The following GMPR2 variants were observed in gnomAD, a reference collection of about 807,000 sequenced individuals.
The protein encoded by GMPR2 is guanosine monophosphate reductase 2.
Under a neutral mutation model 38.5 loss-of-function variants are expected in GMPR2, and 32 were observed. The observed-to-expected ratio is 0.83, with a 90% CI of 0.63 to 1.12. The LOEUF (loss-of-function observed/expected upper bound fraction) is 1.12. Among genes scored for constraint, GMPR2 ranks in the 50% most tolerant of loss-of-function variants. The pLI, the probability that GMPR2 is intolerant of heterozygous loss-of-function variation, is 0.00. For synonymous variants in GMPR2, 154 were observed against 151.0 expected (o/e 1.02, Z -0.15); for missense variants, 396 against 432.1 (o/e 0.92, Z 0.74).
At chr14:24,234,015 G>A in intron 3 of GMPR2, 3 of 999,192 alleles carry the variant, frequency 3.0e-6, no homozygotes, top group Non-Finnish European at 4.1e-6. Flanking sequence ...AAGATCCTAG[G>A]AGAAGCAGCT....
Position 24,235,768 on chromosome 14 carries a change from A to G in GMPR2, c.239A>G (p.Tyr80Cys). 1 of 1,613,658 alleles carries G rather than the reference A, an allele frequency of 6.2e-7. No individual in the cohort carries two copies. Among genetic ancestry groups the G allele is most frequent in the Non-Finnish European group, 8.5e-7 (1 of 1,179,540 alleles). Residue 80 changes from tyrosine (Y) to cysteine (C), a missense_variant, in exon 4 of 10, where the codon TAT becomes TGT. Tyr to Cys is a radical substitution (Grantham distance 194, BLOSUM62 -2). Transcript: ENST00000399440. ...FSLFTAVHKH[Y>C]SLVQWQEFAG... The stretch of plus-strand genomic sequence containing the variant: ...CTCTTCACTGCTGTCCATAAGCACT[A>G]TAGCCTCGTTCAGTGGCAAGAGTTT...
intron 8 of GMPR2, chr14:24,237,980 G>C: frequency 2.1e-6 from 1 of 481,714 alleles, no homozygotes; most frequent in Non-Finnish European, 3.7e-6. Flanking sequence ...AGACGATGAT[G>C]GTAAAAACAG....
Position 24,238,385 on chromosome 14 carries a change from TG to T in GMPR2, c.842del (p.Gly281AlafsTer29), listed in dbSNP as rs2040450006. On this transcript the variant is annotated frameshift_variant, in exon 9 of 10. Transcript: ENST00000399440. LOFTEE classifies it high-confidence loss of function. ...SSEMAMKKYA[G>X]GVAEYRASEG... The stretch of plus-strand genomic sequence containing the variant: ...CTGAAATGGCCATGAAGAAGTATGC[TG>T]GGGGCGTGGCTGAGTACAGGTATGT... 1 of 1,613,806 alleles carries T rather than the reference TG, an allele frequency of 6.2e-7. No individual in the cohort carries two copies. The highest frequency in any genetic ancestry group is 8.5e-7 in the Non-Finnish European group (1 of 1,179,992).
At position 24,234,364 on chromosome 14, in the gene GMPR2, T is replaced by C. The variant is rs140064617; in HGVS notation, c.207+766T>C. On this transcript the variant is annotated intron_variant, in intron 3 of 9. Coordinates refer to ENST00000399440, the MANE Select transcript of GMPR2 (RefSeq NM_001002002.3). ...AGTCTTAAGGACTTCATATCCTTTT[T>C]CTATTTTTGATTGCTGTGTCTTTGT... 6.6e-4 allele frequency: 290 copies of C among 441,230 alleles called. 2 individuals are homozygous for C. In the Admixed American group the frequency reaches 0.011, roughly 17 times the overall value. The allele number at this position is 441,230 out of a possible 1,614,324, so 27.3% of individuals were successfully genotyped here.
rs1025157240 is a variant in GMPR2, at chr14:24,232,991, C to G, written c.-36+14C>G. ...AAGTGTAGCGGGGTAAGGAATGCAC[C>G]GTCAGGGTCTCTCACAACCCTTTCC... On this transcript the variant is annotated intron_variant, in intron 1 of 9. Coordinates refer to ENST00000399440, the MANE Select transcript of GMPR2 (RefSeq NM_001002002.3). 2.7e-4 allele frequency: 159 copies of G among 590,686 alleles called. 1 individual carries two copies. Among genetic ancestry groups the G allele is most frequent in the Non-Finnish European group, 8.8e-5 (29 of 330,658 alleles). 36.6% of individuals were successfully genotyped at this position (590,686 alleles called of 1,614,324 possible).
intron 7 of GMPR2, 47 bp from the exon 8 acceptor site, chr14:24,237,473 G>A (rs1266143443): frequency 6.2e-7 from 1 of 1,600,844 alleles, no homozygotes; most frequent in African/African-American, 1.3e-5. Flanking sequence ...ACATCGCTGA[G>A]GGCTTGGGAA....
intron 3 of GMPR2, chr14:24,234,257 G>A: frequency 1.6e-6 from 2 of 1,287,802 alleles, no homozygotes; most frequent in Non-Finnish European, 2.0e-6. Flanking sequence ...GAGTTATCTG[G>A]GCACTTTGAG....
chr14:24,232,648 G>C, upstream of GMPR2: 1 of 285,430 alleles, frequency 3.5e-6, no homozygotes, highest in Non-Finnish European at 6.8e-6. Context: ...GGATCCAACA[G>C]CAACCTCAGT....
chr14:24,238,777 A>G lies in GMPR2; in HGVS notation c.1046A>G (p.Ter349TrpextTer2), dbSNP rs753927061. Residue 349 changes from the stop codon to tryptophan (W), a stop_lost, in exon 10 of 10, where the codon TAG (stop) becomes TGG (tryptophan). Transcript: ENST00000399440. Reference protein sequence around the residue: ...QVNPIFSEAC* With the variant: ...QVNPIFSEACW ...AATCCAATCTTCAGTGAGGCGTGCT[A>G]GACCTGAGCAGTTCTACCCTCCCAA... 5.0e-6 allele frequency: 8 copies of G among 1,611,342 alleles called. No homozygotes were observed. The South Asian group carries it at 8.8e-5, about 18-fold the overall frequency.
chr14:24,232,868 A>C, upstream of GMPR2: 2 of 325,404 alleles, frequency 6.1e-6, no homozygotes, highest in Non-Finnish European at 5.8e-6. Flanking sequence ...CTATTCCGGA[A>C]ACTAGTTATG....
At chr14:24,237,183 C>A in intron 6 of GMPR2, 31 bp downstream of exon 6, 1 of 1,539,742 alleles carries the variant, frequency 6.5e-7, no homozygotes, top group Non-Finnish European at 9.0e-7. Context: ...CACTGGCTAC[C>A]CCCCTTCAGT....
In GMPR2 at chr14:24,236,031, C is replaced by T; in HGVS notation, c.356C>T (p.Ala119Val). 1 of 1,613,700 alleles carries T rather than the reference C, an allele frequency of 6.2e-7. No individual in the cohort carries two copies. Among genetic ancestry groups the T allele is most frequent in the Non-Finnish European group, 8.5e-7 (1 of 1,179,526 alleles). ...DFEQLEQILE[A>V]IPQVKYICLD... ...GAGCAGCTGGAACAGATCCTGGAAG[C>T]TATTCCCCAGGTGAAGTATATATGC... The change falls in exon 5 of 10, where the codon GCT (alanine) becomes GTT (valine). Residue 119 changes from alanine (A) to valine (V), a missense_variant. Physicochemically the swap from Ala to Val is moderately conservative, Grantham distance 64. Coordinates refer to ENST00000399440, the MANE Select transcript of GMPR2 (RefSeq NM_001002002.3).
intron 8 of GMPR2, 146 bp downstream of exon 8, chr14:24,237,708 T>A: frequency 1.3e-6 from 1 of 745,904 alleles, no homozygotes; most frequent in East Asian, 2.5e-5. Flanking sequence ...TATGGTATCA[T>A]CTGGGGCAGC....
In GMPR2 at chr14:24,232,996, G is replaced by C. The variant is rs2040122210; in HGVS notation, c.-36+19G>C. 1 of 597,238 alleles carries C rather than the reference G, an allele frequency of 1.7e-6. No individual in the cohort carries two copies. 37.0% of individuals were successfully genotyped at this position (597,238 alleles called of 1,614,324 possible). On this transcript the variant is annotated intron_variant, in intron 1 of 9. Transcript: ENST00000399440. ...TAGCGGGGTAAGGAATGCACCGTCA[G>C]GGTCTCTCACAACCCTTTCCCAGCT...
intron 3 of GMPR2, among the ~76,000 whole-genome samples, chr14:24,234,572 C>T (rs2040247254): frequency 6.6e-6 from 1 of 152,144 alleles, no homozygotes; most frequent in Admixed American, 6.5e-5. Context: ...AATACATGAA[C>T]CTTTTTGGGG....
At position 24,235,818 on chromosome 14, in the gene GMPR2, G is replaced by C; in HGVS notation, c.289G>C (p.Glu97Gln). The change falls in exon 4 of 10, where the codon GAG (glutamate) becomes CAG (glutamine). Residue 97 changes from glutamate to glutamine, a missense_variant and splice_region_variant. Glu to Gln is a conservative substitution (Grantham distance 29, BLOSUM62 2). Coordinates refer to ENST00000399440, the MANE Select transcript of GMPR2 (RefSeq NM_001002002.3). ...EFAGQNPDCLEHLAASSGTGS... is the reference protein window; with the variant it reads ...EFAGQNPDCLQHLAASSGTGS... ...TGCTGGCCAGAATCCTGACTGTCTT[G>C]AGGTAACACTGGGCATACCCTGCTC... is the stretch of plus-strand genomic sequence containing the variant. 1 of 1,611,614 alleles carries C rather than the reference G, an allele frequency of 6.2e-7. No individual in the cohort carries two copies. Among genetic ancestry groups the C allele is most frequent in the South Asian group, 1.1e-5 (1 of 91,038 alleles).
intron 3 of GMPR2, chr14:24,233,978 G>GT: frequency 1.5e-6 from 1 of 656,218 alleles, no homozygotes; most frequent in Non-Finnish European, 2.4e-6. Context: ...AGAAACTACA[G>GT]TTTAAGCATT....
intron 3 of GMPR2, chr14:24,234,047 AC>A: frequency 2.5e-6 from 3 of 1,213,746 alleles, no homozygotes; most frequent in Non-Finnish European, 3.3e-6. Context: ...TTTAATAAGA[AC>A]AATTCATTAA....
chr14:24,237,840 CA>C (rs2040420684), intron 8 of GMPR2: 1 of 529,716 alleles, frequency 1.9e-6, no homozygotes, highest in South Asian at 2.8e-5. Flanking sequence ...AGGAATGGGA[CA>C]GCACATCTGC....
Sources: allele counts gnomAD v4.1 joint callset (sites outside exome capture counted in the v4.1 genomes callset), GRCh38; gene constraint gnomAD v4.1.1; transcripts MANE v1.5; gene names NCBI Gene and HGNC (gene_info 2026-07-23, HGNC 2026-07-21).